The following PCSK5 variants were observed in gnomAD, a reference collection of about 807,000 sequenced individuals.
PCSK5 encodes the protein prohormone convertase 5.
A neutral mutation model predicts 233.2 loss-of-function variants in PCSK5; 129 were observed. That is an observed-to-expected ratio of 0.55 (90% CI 0.48 to 0.64). The LOEUF (loss-of-function observed/expected upper bound fraction) is 0.64, where lower values mean the gene tolerates loss of function less well. PCSK5 is among the 30% of genes least tolerant of loss of function. The pLI, the probability that PCSK5 is intolerant of heterozygous loss-of-function variation, is 0.00. For synonymous variants in PCSK5, 825 were observed against 879.2 expected (o/e 0.94, Z 1.09); for missense variants, 2,076 against 2,430.1 (o/e 0.85, Z 3.06).
intron 10 of PCSK5, among the ~76,000 whole-genome samples, chr9:76,147,068 A>G (rs1823471020): frequency 6.6e-6 from 1 of 152,096 alleles, no homozygotes; most frequent in African/African-American, 2.4e-5. Flanking sequence ...AAGTCAGTGC[A>G]TTTTCTGTTT....
chr9:76,173,186 T>G (rs1011684897), intron 13 of PCSK5, among the ~76,000 whole-genome samples: 1 of 152,186 alleles, frequency 6.6e-6, no homozygotes, highest in African/African-American at 2.4e-5. Context: ...AAATAAAACT[T>G]ACAAATCACT....
At chr9:76,050,433 C>G (rs1242146045) in intron 5 of PCSK5, among the ~76,000 whole-genome samples, 2 of 152,078 alleles carry the variant, frequency 1.3e-5, no homozygotes, top group African/African-American at 4.8e-5. Context: ...CTTTATAGAT[C>G]TTTTCTAGTC....
chr9:76,111,875 A>G (rs1587642695), intron 9 of PCSK5, among the ~76,000 whole-genome samples: 1 of 152,290 alleles, frequency 6.6e-6, no homozygotes, highest in South Asian at 2.1e-4. Flanking sequence ...CTATAGATCT[A>G]TCAGGGGGAA....
rs1479292388 is a variant in PCSK5 at position 76,360,984 on chromosome 9, T to G, written c.*2062T>G. 1.3e-5 allele frequency: 2 copies of G among 152,196 alleles called. No homozygotes were observed. Among genetic ancestry groups the G allele is most frequent in the Admixed American group, 1.3e-4 (2 of 15,276 alleles). 9.4% of individuals were successfully genotyped at this position (152,196 alleles called of 1,614,324 possible). A position where few individuals can be genotyped will look rare whatever the true frequency, so the allele number is the denominator to read the frequency against. ...AGGCTGTACTTTGCTGACTTTATCT[T>G]TAAAACAGTTTTCAGAGATCATACA... On this transcript the variant is annotated 3_prime_UTR_variant, in exon 38 of 38. Coordinates refer to ENST00000674117, the MANE Select transcript of PCSK5 (RefSeq NM_001372043.1).
intron 5 of PCSK5, among the ~76,000 whole-genome samples, chr9:76,060,951 A>G (rs1292853901): frequency 6.6e-6 from 1 of 152,202 alleles, no homozygotes; most frequent in East Asian, 1.9e-4. Flanking sequence ...GTTATATTCT[A>G]TTTATAAGAG....
At chr9:76,185,711 A>G (rs1403552918) in intron 17 of PCSK5, among the ~76,000 whole-genome samples, 1 of 152,180 alleles carries the variant, frequency 6.6e-6, no homozygotes, top group East Asian at 1.9e-4. Flanking sequence ...AAAGCAGTAT[A>G]ATAGAAGGAA....
At chr9:76,302,772 T>A (rs2131426342) in intron 28 of PCSK5, among the ~76,000 whole-genome samples, 1 of 152,250 alleles carries the variant, frequency 6.6e-6, no homozygotes, top group South Asian at 2.1e-4. Context: ...ATACAGCTTG[T>A]ATGAAAAAGG....
At chr9:76,246,202 C>G (rs1281527690) in intron 24 of PCSK5, among the ~76,000 whole-genome samples, 1 of 151,820 alleles carries the variant, frequency 6.6e-6, no homozygotes, top group Admixed American at 6.6e-5. Flanking sequence ...ATTAGCTGAA[C>G]ATGATGGCTC....
intron 14 of PCSK5, 76 bp downstream of exon 14, chr9:76,175,205 T>G (rs1319420435): frequency 8.0e-7 from 1 of 1,244,528 alleles, no homozygotes; most frequent in Admixed American, 1.9e-5. Context: ...GAGAACAGAA[T>G]GGAATGGAAT....
intron 2 of PCSK5, among the ~76,000 whole-genome samples, chr9:75,966,389 A>T (rs193116530): frequency 1.3e-5 from 2 of 152,328 alleles, no homozygotes; most frequent in African/African-American, 4.8e-5. Context: ...AAATGACATC[A>T]TGGTTGTCAG....
At chr9:76,182,586 C>T (rs1327678577) in intron 16 of PCSK5, among the ~76,000 whole-genome samples, 1 of 151,298 alleles carries the variant, frequency 6.6e-6, no homozygotes. Flanking sequence ...AAATGTGTAC[C>T]TTAACACAGA....
At chr9:76,076,083 A>T (rs1453195402) in intron 7 of PCSK5, among the ~76,000 whole-genome samples, 1 of 152,236 alleles carries the variant, frequency 6.6e-6, no homozygotes, top group Non-Finnish European at 1.5e-5. Context: ...TGAGGAGGTG[A>T]TATTTGAACA....
rs746458277 is a variant in PCSK5, at chr9:76,358,795, A to G, written c.5537A>G (p.Asp1846Gly). 4 of 1,612,944 alleles carry G rather than the reference A, an allele frequency of 2.5e-6. No homozygotes were observed. The highest frequency in any genetic ancestry group is 2.2e-5 in the East Asian group (1 of 44,888). Residue 1846 changes from aspartate (D) to glycine (G), a missense_variant, in exon 38 of 38, where the codon GAT (aspartate) becomes GGT (glycine). This residue lies in a region of PCSK5 where 1,510 missense variants were observed against 1,538.1 expected (regional missense o/e 0.98). Transcript: ENST00000674117. ...EYRDRDYDED[D>G]DDDIVYMGQD... ...AGGGATCGGGACTATGATGAGGATG[A>G]TGATGATGACATCGTCTACATGGGC...
In PCSK5 at chr9:75,890,889, C is replaced by G. The variant is rs1462669864; in HGVS notation, c.-293C>G. On this transcript the variant is annotated 5_prime_UTR_variant, in exon 1 of 38. Coordinates refer to ENST00000674117, the MANE Select transcript of PCSK5 (RefSeq NM_001372043.1). ...GCGAAACCCAACTGCGGAGGACGCC[C>G]GCCCCACTCAGCCTCCTCCTGCGTC... is the stretch of plus-strand genomic sequence containing the variant. The G allele has an allele frequency of 3.6e-5, 12 of 328,918 alleles. No individual in the cohort carries two copies. Among genetic ancestry groups the G allele is most frequent in the Non-Finnish European group, 6.1e-5 (11 of 181,190 alleles). 20.4% of individuals were successfully genotyped at this position (328,918 alleles called of 1,614,324 possible).
intron 12 of PCSK5, among the ~76,000 whole-genome samples, chr9:76,160,025 G>A (rs572260083): frequency 2.2e-4 from 33 of 152,044 alleles, no homozygotes; most frequent in African/African-American, 7.5e-4. Context: ...GTTTCACCAC[G>A]TTGACCAGGA....
intron 2 of PCSK5, among the ~76,000 whole-genome samples, chr9:75,952,817 T>C (rs1352867736): frequency 6.6e-6 from 1 of 152,208 alleles, no homozygotes; most frequent in East Asian, 1.9e-4. Context: ...TTCTGTTGCT[T>C]AGTATTCTAT....
At chr9:75,979,352 C>T (rs1826171575) in intron 2 of PCSK5, among the ~76,000 whole-genome samples, 2 of 152,116 alleles carry the variant, frequency 1.3e-5, no homozygotes, top group Non-Finnish European at 2.9e-5. Context: ...GGGCCTCATG[C>T]TTTAGAGGGC....
At chr9:76,237,992 C>G (rs1414479206) in intron 22 of PCSK5, among the ~76,000 whole-genome samples, 1 of 152,136 alleles carries the variant, frequency 6.6e-6, no homozygotes, top group African/African-American at 2.4e-5. Context: ...TCTTGAAGGT[C>G]AATGATTCTG....
At chr9:76,138,641 T>C (rs1383421868) in intron 10 of PCSK5, among the ~76,000 whole-genome samples, 2 of 152,198 alleles carry the variant, frequency 1.3e-5, no homozygotes, top group African/African-American at 2.4e-5. Flanking sequence ...ATAATTATAA[T>C]TGAATGCATG....
Sources: allele counts gnomAD v4.1 joint callset (sites outside exome capture counted in the v4.1 genomes callset), GRCh38; gene constraint gnomAD v4.1.1; regional missense constraint gnomAD v4.1.1; transcripts MANE v1.5; gene names NCBI Gene and HGNC (gene_info 2026-07-23, HGNC 2026-07-21).